Variants in ST3GAL3 observed in about 807,000 individuals in gnomAD.
ST3GAL3 encodes the protein ST3 beta-galactoside alpha-2,3-sialyltransferase 3.
ST3GAL3 carries 21 observed loss-of-function variants against 50.1 expected under a neutral mutation model. The observed-to-expected ratio is 0.42, with a 90% confidence interval of 0.30 to 0.60. ST3GAL3 has a LOEUF of 0.60. ST3GAL3 is among the 20% of genes least tolerant of loss of function. The probability of loss-of-function intolerance (pLI) is 0.19; values close to 1 mark genes in which losing one functional copy is unlikely to be tolerated. For missense variants in ST3GAL3, 353 were observed against 489.4 expected, an observed-to-expected ratio of 0.72 and a Z score of 2.63; for synonymous variants, 183 against 190.0, an observed-to-expected ratio of 0.96 and a Z score of 0.30.
intron 2 of ST3GAL3, among the ~76,000 whole-genome samples, chr1:43,748,598 A>T (rs7511800): frequency 0.25 from 37,789 of 151,458 alleles, 5,123 homozygotes; most frequent in Non-Finnish European, 0.31. Flanking sequence ...TAAAAAAAAA[A>T]TTTTTATAAA....
At chr1:43,917,294 A>G (rs1331118000) in intron 9 of ST3GAL3, among the ~76,000 whole-genome samples, 3 of 149,976 alleles carry the variant, frequency 2.0e-5, no homozygotes, top group Non-Finnish European at 2.9e-5. Flanking sequence ...AAATTTTTCC[A>G]TGCTTATTAA....
intron 9 of ST3GAL3, among the ~76,000 whole-genome samples, chr1:43,907,658 C>G (rs1407831216): frequency 3.3e-5 from 5 of 152,186 alleles, no homozygotes; most frequent in Non-Finnish European, 7.4e-5. Context: ...TCTACCATCC[C>G]TCCTGTGCCT....
intron 2 of ST3GAL3, among the ~76,000 whole-genome samples, chr1:43,742,155 G>A (rs1681210409): frequency 6.6e-6 from 1 of 152,132 alleles, no homozygotes; most frequent in African/African-American, 2.4e-5. Context: ...GTCCTGTTGG[G>A]GTGAAAGCAA....
chr1:43,758,751 G>A (rs545143489), intron 2 of ST3GAL3, among the ~76,000 whole-genome samples: 9 of 152,056 alleles, frequency 5.9e-5, no homozygotes, highest in Non-Finnish European at 1.3e-4. Flanking sequence ...AAGAGGTCAG[G>A]CATGATAGTT....
At chr1:43,827,652 G>A (rs753851469) in intron 4 of ST3GAL3, among the ~76,000 whole-genome samples, 4 of 151,976 alleles carry the variant, frequency 2.6e-5, no homozygotes, top group Non-Finnish European at 5.9e-5. Flanking sequence ...ACAGGCGTGC[G>A]CTACCACACA....
chr1:43,711,936 A>G (rs572466904), intron 1 of ST3GAL3, among the ~76,000 whole-genome samples: 1 of 152,360 alleles, frequency 6.6e-6, no homozygotes, highest in East Asian at 1.9e-4. Context: ...GTTTAACCTT[A>G]CTGGTTTAAT....
intron 5 of ST3GAL3, among the ~76,000 whole-genome samples, chr1:43,880,891 A>T (rs1308183926): frequency 6.6e-6 from 1 of 152,210 alleles, no homozygotes; most frequent in Non-Finnish European, 1.5e-5. Context: ...ATGCAGTAAG[A>T]ACTCAGTTGT....
chr1:43,736,748 A>C (rs1678647554), intron 2 of ST3GAL3: 1 of 349,438 alleles, frequency 2.9e-6, no homozygotes, highest in South Asian at 2.4e-5. Context: ...TTAGTATTGA[A>C]GTTGGTTTCC....
chr1:43,864,004 C>T (rs2070697973), intron 5 of ST3GAL3, among the ~76,000 whole-genome samples: 2 of 152,076 alleles, frequency 1.3e-5, no homozygotes, highest in South Asian at 2.1e-4. Context: ...GGGGGCCGGG[C>T]GTGGTGGCTC....
intron 3 of ST3GAL3, among the ~76,000 whole-genome samples, chr1:43,795,864 C>T (rs1164509125): frequency 6.6e-6 from 1 of 152,124 alleles, no homozygotes; most frequent in Non-Finnish European, 1.5e-5. Flanking sequence ...TATTACTGAA[C>T]TGGCAGTGAG....
At chr1:43,812,902 CAAAACTT>C (rs1573415790) in intron 3 of ST3GAL3, among the ~76,000 whole-genome samples, 2 of 151,786 alleles carry the variant, frequency 1.3e-5, no homozygotes, top group African/African-American at 4.8e-5. Flanking sequence ...TGAAACAAAA[CAAAACTT>C]AAGATGCCAT....
chr1:43,866,784 C>G (rs1014373708), intron 5 of ST3GAL3, among the ~76,000 whole-genome samples: 2 of 151,966 alleles, frequency 1.3e-5, no homozygotes, highest in African/African-American at 4.8e-5. Flanking sequence ...AGAGCAAGAT[C>G]ATGGGAGACC....
At chr1:43,724,656 A>C (rs78307296) in intron 1 of ST3GAL3, among the ~76,000 whole-genome samples, 3 of 152,170 alleles carry the variant, frequency 2.0e-5, no homozygotes, top group Non-Finnish European at 4.4e-5. Flanking sequence ...TGTTTTCTAA[A>C]TGCTATGATG....
intron 9 of ST3GAL3, among the ~76,000 whole-genome samples, chr1:43,904,845 TC>T (rs1463466688): frequency 7.3e-6 from 1 of 137,360 alleles, no homozygotes; most frequent in African/African-American, 2.8e-5. Context: ...CTGCTCCTAT[TC>T]CTGCCACTCT....
chr1:43,899,102 A>G lies in ST3GAL3; in HGVS notation c.462-66A>G. The G allele has an allele frequency of 2.5e-6, 4 of 1,610,692 alleles. No homozygotes were observed. Among genetic ancestry groups the G allele is most frequent in the Non-Finnish European group, 3.4e-6 (4 of 1,178,992 alleles). ...GACAAGGGCGTGGGGTCAAGGGCCA[A>G]AGGAGCAGGGAAAGAGACCTGGTGG... On this transcript the variant is annotated intron_variant, in intron 7 of 11. Transcript: ENST00000347631. The surrounding 1 kb of genome is among the most constrained non-coding windows in gnomAD (Gnocchi z 5.4).
intron 1 of ST3GAL3, among the ~76,000 whole-genome samples, chr1:43,708,350 G>A (rs1217045965): frequency 6.6e-6 from 1 of 152,168 alleles, no homozygotes; most frequent in African/African-American, 2.4e-5. Flanking sequence ...CTTCACGTAT[G>A]AGGAAGGAGT....
At chr1:43,891,283 T>C (rs927810600) in intron 5 of ST3GAL3, among the ~76,000 whole-genome samples, 9 of 152,178 alleles carry the variant, frequency 5.9e-5, no homozygotes, top group African/African-American at 1.9e-4. Flanking sequence ...CAAAAAATAA[T>C]GATTGGCTGG....
chr1:43,795,289 G>T (rs1398776237), intron 3 of ST3GAL3, among the ~76,000 whole-genome samples: 2 of 152,190 alleles, frequency 1.3e-5, no homozygotes, highest in African/African-American at 4.8e-5. Flanking sequence ...CAAAGAATGA[G>T]AATTCAGACA....
At chr1:43,849,288 A>G (rs1298378668) in intron 5 of ST3GAL3, among the ~76,000 whole-genome samples, 2 of 151,722 alleles carry the variant, frequency 1.3e-5, no homozygotes, top group East Asian at 3.9e-4. Context: ...TTTTGATCAC[A>G]AAATACTTAA....
Sources: allele counts gnomAD v4.1 joint callset (sites outside exome capture counted in the v4.1 genomes callset), GRCh38; gene constraint gnomAD v4.1.1; non-coding constraint Gnocchi (gnomAD v3.1); transcripts MANE v1.5; gene names NCBI Gene and HGNC (gene_info 2026-07-23, HGNC 2026-07-21).